The following SLC33A1 variants were observed in gnomAD, a reference collection of about 807,000 sequenced individuals.
SLC33A1 encodes the protein acetyl-coenzyme A transporter 1.
SLC33A1 carries 20 observed loss-of-function variants against 50.0 expected under a neutral mutation model. That is an observed-to-expected ratio of 0.40 (90% CI 0.28 to 0.58). The LOEUF (loss-of-function observed/expected upper bound fraction) is 0.58. Ranked by LOEUF, SLC33A1 falls within the 20% of genes least tolerant of loss-of-function variation. SLC33A1 has a pLI of 0.44. For missense variants in SLC33A1, 476 were observed against 657.0 expected, an observed-to-expected ratio of 0.72 and a Z score of 3.01; for synonymous variants, 265 against 251.8, an observed-to-expected ratio of 1.05 and a Z score of -0.50.
In SLC33A1 at chr3:155,833,999, C is replaced by T. The variant is rs759509587; in HGVS notation, c.1006G>A (p.Val336Ile). 354 of 1,613,810 alleles carry T rather than the reference C, an allele frequency of 2.2e-4. No homozygotes were observed. The highest frequency in any genetic ancestry group is 2.8e-4 in the Non-Finnish European group (328 of 1,179,890). ...AADAVTGLKL[V>I]EEGVPKEHLA... is the part of the protein sequence containing the mutation. ...TGTTCTTTGGGTACTCCCTCTTCTACCAATTTCAGTCCTGTTACAGCATCT... is the reference window on the plus strand; with the variant it reads ...TGTTCTTTGGGTACTCCCTCTTCTATCAATTTCAGTCCTGTTACAGCATCT... The change falls in exon 3 of 6, where the codon GTA (valine) becomes ATA (isoleucine). Residue 336 changes from valine (V) to isoleucine (I), a missense_variant. Transcript: ENST00000643144.
Position 155,829,704 on chromosome 3 carries a change from G to A in SLC33A1, c.1466C>T (p.Thr489Ile). 1 of 1,612,188 alleles carries A rather than the reference G, an allele frequency of 6.2e-7. No homozygotes were observed. Among genetic ancestry groups the A allele is most frequent in the Non-Finnish European group, 8.5e-7 (1 of 1,178,236 alleles). The stretch of plus-strand genomic sequence containing the variant: ...CATACTTACCTCAACAGCATCAGGT[G>A]TTCGACAATTCTGGTTTGATGCTCC... ...CVGASNQNCR[T>I]PDAVELCKKL... Residue 489 changes from threonine to isoleucine, a missense_variant, in exon 5 of 6, where the codon ACA becomes ATA. Thr to Ile is a moderately conservative substitution (Grantham distance 89). Transcript: ENST00000643144.
chr3:155,850,620 T>TG (rs1389337259), intron 1 of SLC33A1, among the ~76,000 whole-genome samples: 1 of 151,688 alleles, frequency 6.6e-6, no homozygotes, highest in African/African-American at 2.4e-5. Context: ...ACTGACTTAT[T>TG]CTTTTTTTTT....
chr3:155,831,580 C>G (rs1362029479), intron 4 of SLC33A1, among the ~76,000 whole-genome samples: 1 of 150,914 alleles, frequency 6.6e-6, no homozygotes, highest in African/African-American at 2.4e-5. Flanking sequence ...ACCTTTTTTC[C>G]CCCATAAAGC....
In SLC33A1 at chr3:155,853,351, C is replaced by G; in HGVS notation, c.647G>C (p.Cys216Ser). ...ACCCGCTGTTTGGCCCACCGAATTG[C>G]AAGTAGAAGCATAACCCACATTTTC... The part of the protein sequence containing the change: ...SRENVGYAST[C>S]NSVGQTAGYF... Residue 216 changes from cysteine (C) to serine (S), a missense_variant, in exon 1 of 6, where the codon TGC becomes TCC. Physicochemically the swap from Cys to Ser is moderately radical, Grantham distance 112. Transcript: ENST00000643144. 2 of 1,614,080 alleles carry G rather than the reference C, an allele frequency of 1.2e-6. No homozygotes were observed. The highest frequency in any genetic ancestry group is 1.7e-6 in the Non-Finnish European group (2 of 1,180,018).
intron 2 of SLC33A1, among the ~76,000 whole-genome samples, chr3:155,840,865 G>A (rs1468097544): frequency 6.6e-6 from 1 of 151,812 alleles, no homozygotes. Flanking sequence ...GCACACTGTG[G>A]TCCCAGCTGC....
intron 4 of SLC33A1, among the ~76,000 whole-genome samples, 153 bp from the exon 5 acceptor site, chr3:155,830,056 C>T (rs1237030639): frequency 6.6e-6 from 1 of 152,042 alleles, no homozygotes; most frequent in African/African-American, 2.4e-5. Context: ...CTACTATAGG[C>T]CAGGCTTTAA....
chr3:155,853,803 T>C lies in SLC33A1; in HGVS notation c.195A>G (p.Pro65=), dbSNP rs779729512. The change falls in exon 1 of 6, where the codon CCA becomes CCG. Residue 65 remains proline, a synonymous_variant. Coordinates refer to ENST00000643144, the MANE Select transcript of SLC33A1 (RefSeq NM_004733.4). ...DTGTGDFLKA[P]QSFRAELSSI... ...TGCTTAGTTCGGCCCGGAAGCTCTG[T>C]GGGGCTTTTAAGAAGTCGCCAGTGC... 38 of 1,612,330 alleles carry C rather than the reference T, an allele frequency of 2.4e-5. No homozygotes were observed. The highest frequency in any genetic ancestry group is 2.5e-6 in the Non-Finnish European group (3 of 1,179,114).
rs1437803540 is a variant in SLC33A1 at position 155,853,806 on chromosome 3, G to A, written c.192C>T (p.Ala64=). Residue 64 remains alanine, a synonymous_variant, in exon 1 of 6, where the codon GCC becomes GCT. Transcript: ENST00000643144. ...TTAGTTCGGCCCGGAAGCTCTGTGG[G>A]GCTTTTAAGAAGTCGCCAGTGCCGG... The part of the protein sequence containing the change: ...GDTGTGDFLK[A]PQSFRAELSS... 1.4e-5 allele frequency: 22 copies of A among 1,611,920 alleles called. No individual in the cohort carries two copies. The highest frequency in any genetic ancestry group is 1.8e-5 in the Non-Finnish European group (21 of 1,178,832).
intron 4 of SLC33A1, among the ~76,000 whole-genome samples, chr3:155,830,403 T>TA (rs1277699049): frequency 6.7e-6 from 1 of 149,840 alleles, no homozygotes; most frequent in Non-Finnish European, 1.5e-5. Flanking sequence ...AATAAATAAA[T>TA]AAAAAAAAAG....
At position 155,824,206 on chromosome 3, in the gene SLC33A1, A is replaced by C. The variant is rs1217981358; in HGVS notation, c.*4004T>G. 1 of 152,230 alleles carries C rather than the reference A, an allele frequency of 6.6e-6. No individual in the cohort carries two copies. The highest frequency in any genetic ancestry group is 1.5e-5 in the Non-Finnish European group (1 of 68,036). 9.4% of individuals were successfully genotyped at this position (152,230 alleles called of 1,614,324 possible). On this transcript the variant is annotated 3_prime_UTR_variant, in exon 6 of 6. Coordinates refer to ENST00000643144, the MANE Select transcript of SLC33A1 (RefSeq NM_004733.4). ...AAAAGTTTATTTTCTTTCTCTAATA[A>C]TAAGGTAAAATACATTTTGGAAATC...
chr3:155,849,350 T>C (rs1753306735), intron 1 of SLC33A1, among the ~76,000 whole-genome samples: 1 of 152,114 alleles, frequency 6.6e-6, no homozygotes, highest in Admixed American at 6.6e-5. Flanking sequence ...ATTCTTCCTG[T>C]GCTATATAAC....
At position 155,821,222 on chromosome 3, in the gene SLC33A1, T is replaced by C. The variant is rs927670341; in HGVS notation, c.*6988A>G. ...ATACTCAAAACACACCACACAAAAC[T>C]ATCAAGGCTAATGCTAGATATTCCA... On this transcript the variant is annotated 3_prime_UTR_variant, in exon 6 of 6. Transcript: ENST00000643144. 6.6e-6 allele frequency: 1 copy of C among 152,202 alleles called. No homozygotes were observed. The highest frequency in any genetic ancestry group is 2.4e-5 in the African/African-American group (1 of 41,448). The allele number at this position is 152,202 out of a possible 1,614,324, so 9.4% of individuals were successfully genotyped here.
intron 1 of SLC33A1, among the ~76,000 whole-genome samples, chr3:155,852,313 A>T (rs971795786): frequency 2.6e-5 from 4 of 151,952 alleles, no homozygotes; most frequent in Non-Finnish European, 5.9e-5. Flanking sequence ...TATCTCAATT[A>T]AAAAAAAGAA....
chr3:155,827,982 G>A lies in SLC33A1; in HGVS notation c.*228C>T, dbSNP rs967251437. Reference sequence around the variant, plus strand: ...ATCAAATAACAAGGCCAGAAAAGTTGTTTTAGAATTTCCTGACCTTAAGTA... The same window carrying A: ...ATCAAATAACAAGGCCAGAAAAGTTATTTTAGAATTTCCTGACCTTAAGTA... On this transcript the variant is annotated 3_prime_UTR_variant, in exon 6 of 6. Transcript: ENST00000643144. 8.5e-6 allele frequency: 4 copies of A among 472,052 alleles called. No individual in the cohort carries two copies. Among genetic ancestry groups the A allele is most frequent in the Admixed American group, 3.6e-5 (1 of 27,642 alleles). 29.2% of individuals were successfully genotyped at this position (472,052 alleles called of 1,614,324 possible). A position where few individuals can be genotyped will look rare whatever the true frequency, so the allele number is the denominator to read the frequency against.
intron 4 of SLC33A1, among the ~76,000 whole-genome samples, chr3:155,831,093 G>T (rs1025341): frequency 0.2 from 30,117 of 152,008 alleles, 7,596 homozygotes; most frequent in African/African-American, 0.58. Flanking sequence ...GCAGGGATTT[G>T]GGCATGATTT....
At chr3:155,829,373 T>A (rs1377047782) in intron 5 of SLC33A1, among the ~76,000 whole-genome samples, 1 of 152,226 alleles carries the variant, frequency 6.6e-6, no homozygotes, top group Non-Finnish European at 1.5e-5. Flanking sequence ...ATTCCCTTTT[T>A]CTATCACTAC....
intron 4 of SLC33A1, among the ~76,000 whole-genome samples, chr3:155,830,522 T>C (rs903807961): frequency 4.6e-5 from 7 of 151,984 alleles, no homozygotes; most frequent in African/African-American, 1.7e-4. Context: ...GTACTGTAAA[T>C]AGAAGTGCAC....
chr3:155,847,123 G>A (rs962099354), intron 1 of SLC33A1, among the ~76,000 whole-genome samples: 12 of 151,986 alleles, frequency 7.9e-5, no homozygotes, highest in South Asian at 4.2e-4. Flanking sequence ...CATGAGAATC[G>A]CTTGAATCCA....
chr3:155,848,555 G>A (rs924194652), intron 1 of SLC33A1, among the ~76,000 whole-genome samples: 5 of 152,104 alleles, frequency 3.3e-5, no homozygotes, highest in African/African-American at 9.7e-5. Flanking sequence ...GGTGGTGGGC[G>A]CCTGTAGTCC....
Sources: gnomAD v4.1 joint callset for allele counts (sites outside exome capture counted in the v4.1 genomes callset) on GRCh38, gnomAD v4.1.1 for gene constraint, MANE v1.5 for transcripts, NCBI Gene and HGNC (gene_info 2026-07-23, HGNC 2026-07-21) for gene names.